The following SPTA1 variants were observed in gnomAD, a reference collection of about 807,000 sequenced individuals.
SPTA1 encodes spectrin alpha chain, erythrocytic 1.
A neutral mutation model predicts 324.7 loss-of-function variants in SPTA1; 177 were observed. The observed-to-expected ratio is 0.55, with a 90% CI of 0.48 to 0.62. The LOEUF (loss-of-function observed/expected upper bound fraction) is 0.62. Ranked by LOEUF, SPTA1 falls within the 20% of genes least tolerant of loss-of-function variation. The pLI is 0.00. For synonymous variants in SPTA1, 1,195 were observed against 1,041.3 expected (o/e 1.15, Z -2.84); for missense variants, 3,162 against 2,883.6 (o/e 1.10, Z -2.21).
chr1:158,619,913 C>T (rs1490923242), intron 44 of SPTA1, among the ~76,000 whole-genome samples: 4 of 152,080 alleles, frequency 2.6e-5, no homozygotes, highest in African/African-American at 9.7e-5. Flanking sequence ...TCATTAGAAC[C>T]ATGTCTTGGG....
chr1:158,619,406 A>G, intron 44 of SPTA1, 72 bp from the exon 45 acceptor site: 1 of 1,407,106 alleles, frequency 7.1e-7, no homozygotes, highest in East Asian at 2.3e-5. Context: ...ATTGGTTTGT[A>G]GGCTTAACTG....
chr1:158,652,745 A>G, intron 22 of SPTA1, 92 bp from the exon 23 acceptor site: 1 of 1,422,360 alleles, frequency 7.0e-7, no homozygotes, highest in Non-Finnish European at 9.8e-7. Flanking sequence ...GAAGGAACAA[A>G]AATGAAAGGG....
chr1:158,632,928 A>G (rs1002107716), intron 39 of SPTA1, among the ~76,000 whole-genome samples: 2 of 152,092 alleles, frequency 1.3e-5, no homozygotes, highest in East Asian at 3.9e-4. Context: ...AACAGCCCAG[A>G]CTCCCCTCAA....
At position 158,620,315 on chromosome 1, in the gene SPTA1, G is replaced by A. The variant is rs1649824747; in HGVS notation, c.6272C>T (p.Ser2091Phe). 3 of 1,614,050 alleles carry A rather than the reference G, an allele frequency of 1.9e-6. No individual in the cohort carries two copies. Among genetic ancestry groups the A allele is most frequent in the Non-Finnish European group, 2.5e-6 (3 of 1,180,022 alleles). The change falls in exon 44 of 52, where the codon TCC (serine) becomes TTC (phenylalanine). Residue 2091 changes from serine (S) to phenylalanine (F), a missense_variant. Physicochemically the swap from Ser to Phe is radical, Grantham distance 155. Coordinates refer to ENST00000643759, the MANE Select transcript of SPTA1 (RefSeq NM_003126.4). Reference protein sequence around the residue: ...LQKDHEDFLASLARAQADFKC... With the variant: ...LQKDHEDFLAFLARAQADFKC... ...AAAGTCTGCTTGAGCCCTAGCCAGG[G>A]AGGCCAAGAAGTCCTCATGGTCTTT...
chr1:158,624,204 C>T (rs1650112231), intron 42 of SPTA1, among the ~76,000 whole-genome samples: 2 of 152,224 alleles, frequency 1.3e-5, no homozygotes, highest in South Asian at 4.1e-4. Flanking sequence ...GGGATTGGAA[C>T]ACCCGCCCCT....
At chr1:158,675,846 T>A (rs1654355881) in intron 8 of SPTA1, among the ~76,000 whole-genome samples, 1 of 152,150 alleles carries the variant, frequency 6.6e-6, no homozygotes, top group Non-Finnish European at 1.5e-5. Flanking sequence ...TTATCATGCC[T>A]CTTAGAATAA....
In SPTA1 at chr1:158,612,895, C is replaced by G. The variant is rs751315116; in HGVS notation, c.7056G>C (p.Lys2352Asn). ...AGGCATTCTCTATTTCATCACTGGA[C>G]TTGATGTTTTCTGACTCCTTGTCAA... ...FLIDKESENI[K>N]SSDEIENAFQ... Residue 2352 changes from lysine to asparagine, a missense_variant, in exon 51 of 52, where the codon AAG becomes AAC. Coordinates refer to ENST00000643759, the MANE Select transcript of SPTA1 (RefSeq NM_003126.4). 5 of 1,613,820 alleles carry G rather than the reference C, an allele frequency of 3.1e-6. No individual in the cohort carries two copies. Among genetic ancestry groups the G allele is most frequent in the Non-Finnish European group, 4.2e-6 (5 of 1,179,788 alleles).
chr1:158,666,196 C>T (rs564814954), intron 16 of SPTA1, 120 bp downstream of exon 16: 23 of 888,956 alleles, frequency 2.6e-5, no homozygotes, highest in Non-Finnish European at 3.6e-5. Flanking sequence ...CATATACACC[C>T]ATTGCTTATT....
At chr1:158,656,996 C>T (rs1652878867) in intron 19 of SPTA1, among the ~76,000 whole-genome samples, 1 of 152,014 alleles carries the variant, frequency 6.6e-6, no homozygotes, top group South Asian at 2.1e-4. Context: ...TTTCTAGTTC[C>T]AAAGGTTTGT....
intron 29 of SPTA1, 80 bp downstream of exon 29, chr1:158,645,107 CG>C: frequency 6.9e-7 from 1 of 1,459,572 alleles, no homozygotes; most frequent in Non-Finnish European, 9.6e-7. Flanking sequence ...GTCTAGTGAA[CG>C]GAGCCTGTAA....
intron 18 of SPTA1, among the ~76,000 whole-genome samples, chr1:158,659,595 A>ATTATTATTTTTTTTTTT (rs1345384278): frequency 2.9e-5 from 2 of 68,716 alleles, no homozygotes; most frequent in Admixed American, 2.0e-4. Flanking sequence ...TCTTAGCATT[A>ATTATTATTTTTTTTTTT]TTTTTTTTTT....
Position 158,644,375 on chromosome 1 carries a change from G to C in SPTA1, c.4216C>G (p.Gln1406Glu), listed in dbSNP as rs770772033. The change falls in exon 30 of 52, where the codon CAA becomes GAA. Residue 1406 changes from glutamine (Q) to glutamate (E), a missense_variant. Transcript: ENST00000643759. Reference protein sequence around the residue: ...ELQMFQGNCDQVESWMVAREN... With the variant: ...ELQMFQGNCDEVESWMVAREN... ...CGTGCCACCATCCAGCTCTCAACTTGATCACAGTTCCCCTGGAACATCTAT... is the reference window on the plus strand; with the variant it reads ...CGTGCCACCATCCAGCTCTCAACTTCATCACAGTTCCCCTGGAACATCTAT... 6.2e-7 allele frequency: 1 copy of C among 1,613,798 alleles called. No homozygotes were observed. The highest frequency in any genetic ancestry group is 1.1e-5 in the South Asian group (1 of 91,074).
Position 158,614,295 on chromosome 1 carries a change from C to G in SPTA1, c.6800G>C (p.Gly2267Ala), listed in dbSNP as rs1207013351. ...EQQIQAKDIK[G>A]VSEETLKEFS... ...TTCCTTTAGAGTCTCTTCACTCACA[C>G]CTTTGATGTCCCTGAAAGAAAAAAA... The change falls in exon 49 of 52, where the codon GGT becomes GCT. Residue 2267 changes from glycine (G) to alanine (A), a missense_variant. Gly to Ala is a moderately conservative substitution (Grantham distance 60). Coordinates refer to ENST00000643759, the MANE Select transcript of SPTA1 (RefSeq NM_003126.4). 1 of 1,577,414 alleles carries G rather than the reference C, an allele frequency of 6.3e-7. No homozygotes were observed. Among genetic ancestry groups the G allele is most frequent in the Admixed American group, 1.7e-5 (1 of 57,770 alleles).
intron 25 of SPTA1, 100 bp from the exon 26 acceptor site, chr1:158,648,753 C>T (rs1652189218): frequency 3.1e-6 from 4 of 1,276,788 alleles, no homozygotes; most frequent in Non-Finnish European, 4.4e-6. Flanking sequence ...ACTCACCATC[C>T]TCCCACCCAC....
At chr1:158,674,225 T>C in intron 10 of SPTA1, 104 bp downstream of exon 10, 1 of 1,180,996 alleles carries the variant, frequency 8.5e-7, no homozygotes, top group East Asian at 2.3e-5. Context: ...CACGTTTAAA[T>C]GACTTCTATT....
intron 39 of SPTA1, among the ~76,000 whole-genome samples, chr1:158,633,678 AG>A (rs1262989715): frequency 2.0e-5 from 3 of 149,878 alleles, no homozygotes; most frequent in Admixed American, 1.3e-4. Flanking sequence ...AAAAAAAAAA[AG>A]AAAAGAAAAA....
chr1:158,613,653 T>G, intron 50 of SPTA1, 68 bp downstream of exon 50: 1 of 1,604,644 alleles, frequency 6.2e-7, no homozygotes, highest in Non-Finnish European at 8.5e-7. Context: ...ATGGATCATT[T>G]TACTCTCTGT....
At position 158,652,461 on chromosome 1, in the gene SPTA1, T is replaced by C. The variant is rs773120188; in HGVS notation, c.3375+6A>G. 2 of 1,614,108 alleles carry C rather than the reference T, an allele frequency of 1.2e-6. No individual in the cohort carries two copies. The highest frequency in any genetic ancestry group is 1.7e-6 in the Non-Finnish European group (2 of 1,179,990). On this transcript the variant is annotated splice_donor_region_variant and intron_variant, in intron 23 of 51. Coordinates refer to ENST00000643759, the MANE Select transcript of SPTA1 (RefSeq NM_003126.4). ...CAACCTTCAAGAGAAGGTTCCTCTT[T>C]CTCACCTTTTGGAACTCATCAAACT...
At chr1:158,642,570 A>T (rs539029871) in intron 32 of SPTA1, 28 bp from the exon 33 acceptor site, 4 of 1,612,666 alleles carry the variant, frequency 2.5e-6, no homozygotes, top group Non-Finnish European at 3.4e-6. Flanking sequence ...CAGAAATTAT[A>T]TTATCTTTTT....
Sources: allele counts gnomAD v4.1 joint callset (sites outside exome capture counted in the v4.1 genomes callset), GRCh38; gene constraint gnomAD v4.1.1; transcripts MANE v1.5; gene names NCBI Gene and HGNC (gene_info 2026-07-23, HGNC 2026-07-21).